Variants in TLE1 observed in about 807,000 individuals in gnomAD.
The protein encoded by TLE1 is transducin-like enhancer protein 1.
Under a neutral mutation model 89.8 loss-of-function variants are expected in TLE1, and 21 were observed. The ratio of observed to expected loss-of-function variants is 0.23; its 90% CI spans 0.17 to 0.34. The LOEUF (loss-of-function observed/expected upper bound fraction) is 0.34, where lower values mean the gene tolerates loss of function less well. Ranked by LOEUF, TLE1 falls within the 10% of genes least tolerant of loss-of-function variation. TLE1 has a pLI of 1.00. For missense variants in TLE1, 795 were observed against 1,031.2 expected (o/e 0.77, Z 3.14); for synonymous variants, 447 against 407.6 (o/e 1.10, Z -1.16).
chr9:81,611,791 A>G lies in TLE1; in HGVS notation c.1232T>C (p.Val411Ala). ...MSAAAAAAAV[V>A]AYGRSPMVGF... Reference sequence around the variant, plus strand: ...TACCATGGGGGAGCGCCCGTAGGCCACCACGGCGGCCGCGGCGGCTGCGGC... The same window carrying G: ...TACCATGGGGGAGCGCCCGTAGGCCGCCACGGCGGCCGCGGCGGCTGCGGC... The change falls in exon 13 of 20, where the codon GTG (valine) becomes GCG (alanine). Residue 411 changes from valine to alanine, a missense_variant. This residue lies in a region of TLE1 where 468 missense variants were observed against 509.1 expected (regional missense o/e 0.92). Coordinates refer to ENST00000376499, the MANE Select transcript of TLE1 (RefSeq NM_005077.5). 2 of 1,546,096 alleles carry G rather than the reference A, an allele frequency of 1.3e-6. No homozygotes were observed. The highest frequency in any genetic ancestry group is 2.5e-5 in the East Asian group (1 of 39,220).
chr9:81,679,134 TA>T (rs1377092521), intron 4 of TLE1, among the ~76,000 whole-genome samples: 1 of 152,140 alleles, frequency 6.6e-6, no homozygotes, highest in Non-Finnish European at 1.5e-5. Context: ...GGTAACAGAT[TA>T]AGACTCTATC....
At chr9:81,617,821 C>T (rs1197851461) in intron 9 of TLE1, among the ~76,000 whole-genome samples, 2 of 152,138 alleles carry the variant, frequency 1.3e-5, no homozygotes, top group African/African-American at 4.8e-5. Flanking sequence ...GTCAGGAGCT[C>T]GAGACCAGCC....
intron 8 of TLE1, among the ~76,000 whole-genome samples, chr9:81,622,323 G>T (rs6559630): frequency 0.5 from 75,590 of 151,992 alleles, 19,748 homozygotes; most frequent in East Asian, 0.91. Flanking sequence ...ACAGAGGCTG[G>T]GTGTGCTGAC....
At chr9:81,609,283 C>T (rs535279271) in intron 14 of TLE1, among the ~76,000 whole-genome samples, 45 of 152,248 alleles carry the variant, frequency 3.0e-4, no homozygotes, top group Non-Finnish European at 2.6e-4. Flanking sequence ...CGGGGTTTCG[C>T]CACATTGGCC....
intron 14 of TLE1, among the ~76,000 whole-genome samples, chr9:81,604,745 A>G (rs1347707506): frequency 6.6e-6 from 1 of 152,112 alleles, no homozygotes; most frequent in Admixed American, 6.6e-5. Flanking sequence ...TTCTGGCTGT[A>G]ACACTCAGGA....
At chr9:81,637,075 G>C (rs1827468950) in intron 6 of TLE1, among the ~76,000 whole-genome samples, 1 of 151,754 alleles carries the variant, frequency 6.6e-6, no homozygotes, top group South Asian at 2.1e-4. Flanking sequence ...TCAGAAAGAT[G>C]AACTGGGGAA....
chr9:81,591,864 T>C (rs1829562645), intron 15 of TLE1, among the ~76,000 whole-genome samples: 1 of 152,208 alleles, frequency 6.6e-6, no homozygotes, highest in Admixed American at 6.5e-5. Context: ...AGTCTGTGTT[T>C]CCAAAACACC....
In TLE1 at chr9:81,685,845, C is replaced by A. The variant is rs1834202003; in HGVS notation, c.177G>T (p.Arg59Ser). 6.2e-7 allele frequency: 1 copy of A among 1,613,886 alleles called. No homozygotes were observed. The highest frequency in any genetic ancestry group is 8.5e-7 in the Non-Finnish European group (1 of 1,180,006). ...CTTTGATACCTACCATCACATAGTG[C>A]CTCTGCATTTCTGTCTTTTCACTTG... ...KLASEKTEMQ[R>S]HYVMYYEMSY... Residue 59 changes from arginine (R) to serine (S), a missense_variant, in exon 3 of 20, where the codon AGG (arginine) becomes AGT (serine). Coordinates refer to ENST00000376499, the MANE Select transcript of TLE1 (RefSeq NM_005077.5).
At chr9:81,595,451 C>T (rs1179712718) in intron 14 of TLE1, among the ~76,000 whole-genome samples, 1 of 152,170 alleles carries the variant, frequency 6.6e-6, no homozygotes, top group Non-Finnish European at 1.5e-5. Context: ...AATCAGGCTC[C>T]ATACTCTGGG....
intron 14 of TLE1, among the ~76,000 whole-genome samples, chr9:81,609,206 T>A (rs1178346133): frequency 6.6e-6 from 1 of 152,110 alleles, no homozygotes; most frequent in East Asian, 2.0e-4. Flanking sequence ...GGTCTCAGCC[T>A]CCCGAGTAGC....
chr9:81,661,402 A>G (rs575064419), intron 4 of TLE1, among the ~76,000 whole-genome samples: 1 of 152,120 alleles, frequency 6.6e-6, no homozygotes, highest in South Asian at 2.1e-4. Context: ...TGCTGTTTGA[A>G]GCTCAAAACA....
At chr9:81,624,153 A>G (rs1044449644) in intron 8 of TLE1, among the ~76,000 whole-genome samples, 2 of 152,214 alleles carry the variant, frequency 1.3e-5, no homozygotes, top group African/African-American at 4.8e-5. Context: ...CTAATGTGAC[A>G]TAATACCTGA....
chr9:81,646,555 A>G (rs115935144), intron 6 of TLE1, among the ~76,000 whole-genome samples: 1,699 of 152,262 alleles, frequency 0.011, 44 homozygotes, highest in African/African-American at 0.039. Flanking sequence ...TTAACCACAT[A>G]CTCATAAGAA....
intron 15 of TLE1, among the ~76,000 whole-genome samples, chr9:81,591,941 G>A (rs571601695): frequency 1.3e-5 from 2 of 152,318 alleles, no homozygotes; most frequent in Admixed American, 6.5e-5. Context: ...CAGTGGGTAC[G>A]TGGCACCATC....
chr9:81,620,376 T>C, intron 9 of TLE1, 65 bp downstream of exon 9: 2 of 1,201,990 alleles, frequency 1.7e-6, no homozygotes, highest in South Asian at 2.7e-5. Context: ...GATCTTAGAA[T>C]ATACTTGGAT....
intron 4 of TLE1, among the ~76,000 whole-genome samples, chr9:81,679,818 T>C (rs1833377470): frequency 6.6e-6 from 1 of 152,176 alleles, no homozygotes; most frequent in African/African-American, 2.4e-5. Flanking sequence ...GGAAAGCCAG[T>C]AAGTTTCTCA....
rs1039926349 is a variant in TLE1, at chr9:81,655,190, C to G, written c.235-1154G>C. 1.4e-4 allele frequency among the ~76,000 whole-genome samples: 22 copies of G among 151,844 alleles called. 1 individual carries two copies. The highest frequency in any genetic ancestry group is 1.1e-3 in the Admixed American group (17 of 15,244). On this transcript the variant is annotated intron_variant, in intron 4 of 19. Coordinates refer to ENST00000376499, the MANE Select transcript of TLE1 (RefSeq NM_005077.5). ...ACCAGCCTAGCCAAGATGGTGAAACCCCGTCTCTACTCAAAATACAAAAAT... is the reference window on the plus strand; with the variant it reads ...ACCAGCCTAGCCAAGATGGTGAAACGCCGTCTCTACTCAAAATACAAAAAT...
At chr9:81,593,487 A>C (rs972105981) in intron 14 of TLE1, among the ~76,000 whole-genome samples, 1 of 152,194 alleles carries the variant, frequency 6.6e-6, no homozygotes, top group African/African-American at 2.4e-5. Context: ...CAAATGACAT[A>C]TATATTGAAC....
chr9:81,674,763 C>T (rs916457241), intron 4 of TLE1, among the ~76,000 whole-genome samples: 9 of 152,088 alleles, frequency 5.9e-5, no homozygotes, highest in African/African-American at 1.2e-4. Context: ...ACCTAAAAAC[C>T]GTGTAATGGT....
Sources: allele counts gnomAD v4.1 joint callset (sites outside exome capture counted in the v4.1 genomes callset), GRCh38; gene constraint gnomAD v4.1.1; regional missense constraint gnomAD v4.1.1; transcripts MANE v1.5; gene names NCBI Gene and HGNC (gene_info 2026-07-23, HGNC 2026-07-21).